TAF3: variants seen among roughly 807,000 people sequenced by gnomAD.
TAF3 encodes TATA-box binding protein associated factor 3, also known as transcription initiation factor TFIID subunit 3.
In TAF3, 7 loss-of-function variants were observed where a neutral mutation model predicts 80.6. The ratio of observed to expected loss-of-function variants is 0.09; its 90% CI spans 0.05 to 0.16. TAF3 has a LOEUF of 0.16. TAF3 is among the 10% of genes least tolerant of loss of function. The pLI, the probability that TAF3 is intolerant of heterozygous loss-of-function variation, is 1.00. For missense variants in TAF3, 921 were observed against 1,140.2 expected, an observed-to-expected ratio of 0.81 and a Z score of 2.77; for synonymous variants, 444 against 446.1, an observed-to-expected ratio of 1.00 and a Z score of 0.06.
At chr10:7,936,014 G>C (rs1837916229) in intron 2 of TAF3, among the ~76,000 whole-genome samples, 1 of 152,172 alleles carries the variant, frequency 6.6e-6, no homozygotes, top group African/African-American at 2.4e-5. Flanking sequence ...AGCAAGTCCT[G>C]ATGGAGGCTG....
intron 3 of TAF3, among the ~76,000 whole-genome samples, chr10:7,976,566 C>T (rs1327353653): frequency 1.3e-4 from 20 of 152,152 alleles, no homozygotes; most frequent in Non-Finnish European, 2.9e-5. Context: ...AGGCGCCCGC[C>T]ACCACGCCCA....
chr10:7,962,205 T>C (rs1450040889), intron 2 of TAF3, among the ~76,000 whole-genome samples: 4 of 152,212 alleles, frequency 2.6e-5, no homozygotes, highest in Non-Finnish European at 5.9e-5. Context: ...TATACCCTAA[T>C]CATTTATCAG....
At chr10:7,881,556 A>G (rs1316323576) in intron 2 of TAF3, among the ~76,000 whole-genome samples, 1 of 152,096 alleles carries the variant, frequency 6.6e-6, no homozygotes, top group Non-Finnish European at 1.5e-5. Flanking sequence ...TGAAGCTGGA[A>G]CGTAATAAGT....
chr10:7,845,159 G>A (rs1043729806), intron 2 of TAF3, among the ~76,000 whole-genome samples: 8 of 151,270 alleles, frequency 5.3e-5, no homozygotes, highest in Non-Finnish European at 8.8e-5. Context: ...AAAGTGTATT[G>A]TTTTTTTACT....
chr10:7,827,779 CAAAAAA>C (rs71515491), intron 2 of TAF3, among the ~76,000 whole-genome samples: 23 of 94,990 alleles, frequency 2.4e-4, no homozygotes, highest in East Asian at 6.6e-4. Flanking sequence ...GACTCTGTCT[CAAAAAA>C]AAAAAAAAAA....
chr10:8,015,034 A>C lies in TAF3; in HGVS notation c.*283A>C. 3.5e-6 allele frequency: 1 copy of C among 289,238 alleles called. No individual in the cohort carries two copies. Among genetic ancestry groups the C allele is most frequent in the Non-Finnish European group, 6.6e-6 (1 of 150,722 alleles). The allele number at this position is 289,238 out of a possible 1,614,324, so 17.9% of individuals were successfully genotyped here. On this transcript the variant is annotated 3_prime_UTR_variant, in exon 7 of 7. Transcript: ENST00000344293. ...TCTAATACCAGTGACAAGTATTATTAATAAAGAGCGTACATCTTCCCTTTT... is the reference window on the plus strand; with the variant it reads ...TCTAATACCAGTGACAAGTATTATTCATAAAGAGCGTACATCTTCCCTTTT...
At chr10:7,905,479 C>T (rs1051087310) in intron 2 of TAF3, among the ~76,000 whole-genome samples, 3 of 152,050 alleles carry the variant, frequency 2.0e-5, no homozygotes, top group Non-Finnish European at 2.9e-5. Flanking sequence ...GTTTGGATAA[C>T]GAGTTCAGAT....
intron 2 of TAF3, among the ~76,000 whole-genome samples, chr10:7,923,287 C>T (rs1184284770): frequency 2.0e-5 from 3 of 151,938 alleles, no homozygotes; most frequent in Non-Finnish European, 4.4e-5. Context: ...AACAGGGTGT[C>T]AGATGTAATT....
At chr10:7,884,613 C>G (rs1837391550) in intron 2 of TAF3, among the ~76,000 whole-genome samples, 2 of 152,128 alleles carry the variant, frequency 1.3e-5, no homozygotes, top group Non-Finnish European at 2.9e-5. Context: ...GTCTCAAACT[C>G]CTGACCTCAG....
At chr10:7,904,933 C>T (rs1837593259) in intron 2 of TAF3, among the ~76,000 whole-genome samples, 1 of 152,132 alleles carries the variant, frequency 6.6e-6, no homozygotes, top group Non-Finnish European at 1.5e-5. Flanking sequence ...CTCCTCCACA[C>T]TGAGCTCTCC....
At chr10:7,858,925 G>A (rs568295271) in intron 2 of TAF3, among the ~76,000 whole-genome samples, 5 of 152,048 alleles carry the variant, frequency 3.3e-5, no homozygotes, top group East Asian at 3.9e-4. Context: ...CCTCTTCAGC[G>A]TCTTCTGGGC....
intron 2 of TAF3, among the ~76,000 whole-genome samples, chr10:7,912,266 T>A (rs955441211): frequency 6.6e-6 from 1 of 152,164 alleles, no homozygotes; most frequent in Non-Finnish European, 1.5e-5. Context: ...TTAGTTTTTT[T>A]ATTAAAAAAA....
chr10:7,947,805 A>G (rs1838040267), intron 2 of TAF3, among the ~76,000 whole-genome samples: 1 of 152,174 alleles, frequency 6.6e-6, no homozygotes, highest in Admixed American at 6.5e-5. Flanking sequence ...GCTTTTGAGC[A>G]GGGAAATGAT....
chr10:7,842,164 GTTTTTTTTTTTGTTT>G (rs1836923690), intron 2 of TAF3, among the ~76,000 whole-genome samples: 1 of 85,384 alleles, frequency 1.2e-5, no homozygotes, highest in South Asian at 4.1e-4. Flanking sequence ...TTTTTTTTTT[GTTTTTTTTTTTGTTT>G]TTTTTTTTTT....
rs183868066 is a variant in TAF3, at chr10:7,978,915, C to T, written c.2315+1592C>T. 3.4e-4 allele frequency among the ~76,000 whole-genome samples: 52 copies of T among 152,338 alleles called. No homozygotes were observed. In the East Asian group the frequency reaches 5.2e-3, roughly 15 times the overall value. Reference sequence around the variant, plus strand: ...GAAAAGCCAGGTATGGTAGGCCATGCCTGTAGTCCCAGTTACTTGGGAGGC... The same window carrying T: ...GAAAAGCCAGGTATGGTAGGCCATGTCTGTAGTCCCAGTTACTTGGGAGGC... On this transcript the variant is annotated intron_variant, in intron 4 of 6. Coordinates refer to ENST00000344293, the MANE Select transcript of TAF3 (RefSeq NM_031923.4).
chr10:7,843,276 T>G (rs1836936418), intron 2 of TAF3, among the ~76,000 whole-genome samples: 1 of 142,458 alleles, frequency 7.0e-6, no homozygotes, highest in Non-Finnish European at 1.6e-5. Flanking sequence ...CCCAGCTAAC[T>G]TTTTTTTTTT....
At chr10:7,837,833 G>A (rs1452040560) in intron 2 of TAF3, among the ~76,000 whole-genome samples, 1 of 151,900 alleles carries the variant, frequency 6.6e-6, no homozygotes, top group Non-Finnish European at 1.5e-5. Flanking sequence ...AAATAAAAAG[G>A]GAATAGCTGT....
chr10:7,879,622 A>G (rs1162893012), intron 2 of TAF3, among the ~76,000 whole-genome samples: 2 of 152,216 alleles, frequency 1.3e-5, no homozygotes, highest in African/African-American at 2.4e-5. Context: ...GACAATTCAG[A>G]CAGCATAGAA....
chr10:7,904,495 C>CG (rs1564360496), intron 2 of TAF3, among the ~76,000 whole-genome samples: 1 of 152,158 alleles, frequency 6.6e-6, no homozygotes, highest in Non-Finnish European at 1.5e-5. Flanking sequence ...GCCTGATACA[C>CG]GCATTTATCT....
Sources: allele counts gnomAD v4.1 joint callset (sites outside exome capture counted in the v4.1 genomes callset), GRCh38; gene constraint gnomAD v4.1.1; transcripts MANE v1.5; gene names NCBI Gene and HGNC (gene_info 2026-07-23, HGNC 2026-07-21).